SDK1: variants seen among roughly 807,000 people sequenced by gnomAD.
SDK1 encodes protein sidekick-1.
A neutral mutation model predicts 245.5 loss-of-function variants in SDK1; 157 were observed. That is an observed-to-expected ratio of 0.64 (90% CI 0.56 to 0.73). SDK1 has a LOEUF of 0.73. SDK1 is among the 30% of genes least tolerant of loss of function. The probability of loss-of-function intolerance (pLI) is 0.00; values close to 1 mark genes in which losing one functional copy is unlikely to be tolerated. For missense variants in SDK1, 3,583 were observed against 3,002.3 expected, an observed-to-expected ratio of 1.19 and a Z score of -4.52; for synonymous variants, 1,647 against 1,278.5, an observed-to-expected ratio of 1.29 and a Z score of -6.15.
intron 14 of SDK1, among the ~76,000 whole-genome samples, chr7:3,999,438 G>C (rs1464421978): frequency 6.6e-6 from 1 of 152,220 alleles, no homozygotes; most frequent in African/African-American, 2.4e-5. Flanking sequence ...TGCCAGGAAA[G>C]TGGATCTGAG....
intron 14 of SDK1, among the ~76,000 whole-genome samples, chr7:4,003,480 C>T (rs746869892): frequency 3.1e-4 from 47 of 152,334 alleles, no homozygotes; most frequent in Middle Eastern, 3.4e-3. Flanking sequence ...TCCCTGATGA[C>T]GTCTTTCCCG....
At chr7:3,978,102 AT>A (rs1783112949) in intron 13 of SDK1, among the ~76,000 whole-genome samples, 1 of 149,314 alleles carries the variant, frequency 6.7e-6, no homozygotes, top group African/African-American at 2.5e-5. Context: ...TTTTTTTTTC[AT>A]TTTGATAATA....
intron 32 of SDK1, among the ~76,000 whole-genome samples, chr7:4,172,972 G>A (rs543912551): frequency 6.6e-6 from 1 of 152,192 alleles, no homozygotes; most frequent in Non-Finnish European, 1.5e-5. Context: ...ATAAGGTCAG[G>A]TTCACAGGCA....
intron 5 of SDK1, among the ~76,000 whole-genome samples, chr7:3,859,286 A>G (rs1019095527): frequency 1.3e-5 from 2 of 152,052 alleles, no homozygotes; most frequent in African/African-American, 2.4e-5. Context: ...GTCTCCTTCC[A>G]AGGTAGCTCC....
chr7:3,482,091 T>G (rs1000649748), intron 1 of SDK1, among the ~76,000 whole-genome samples: 3 of 152,152 alleles, frequency 2.0e-5, no homozygotes, highest in African/African-American at 7.2e-5. Context: ...CAGGGACATA[T>G]CCTACCAGAC....
intron 4 of SDK1, among the ~76,000 whole-genome samples, chr7:3,819,293 A>G (rs1413892883): frequency 6.6e-6 from 1 of 151,962 alleles, no homozygotes; most frequent in Non-Finnish European, 1.5e-5. Flanking sequence ...AAAGAAAAAG[A>G]TAAGCTTAAA....
In SDK1 at chr7:4,266,198, C is replaced by T. The variant is rs1237705772; in HGVS notation, c.*814C>T. Reference sequence around the variant, plus strand: ...CTCCGCGGGACACGAGGACACGGGACGGCGTCTCCAGAATTGCTTGTTACG... The same window carrying T: ...CTCCGCGGGACACGAGGACACGGGATGGCGTCTCCAGAATTGCTTGTTACG... On this transcript the variant is annotated 3_prime_UTR_variant, in exon 45 of 45. Transcript: ENST00000404826. 1.3e-5 allele frequency: 13 copies of T among 985,388 alleles called. No individual in the cohort carries two copies. In the South Asian group the frequency reaches 3.3e-4, roughly 25 times the overall value. The allele number at this position is 985,388 out of a possible 1,614,324, so 61.0% of individuals were successfully genotyped here. A position where few individuals can be genotyped will look rare whatever the true frequency, so the allele number is the denominator to read the frequency against.
At chr7:3,380,781 CGAAA>C (rs1251295940) in intron 1 of SDK1, among the ~76,000 whole-genome samples, 1 of 152,030 alleles carries the variant, frequency 6.6e-6, no homozygotes, top group African/African-American at 2.4e-5. Context: ...GTGATTCAGG[CGAAA>C]GGGAAGGGCC....
intron 1 of SDK1, among the ~76,000 whole-genome samples, chr7:3,350,595 A>G (rs373070570): frequency 7.2e-5 from 11 of 152,276 alleles, no homozygotes; most frequent in East Asian, 5.8e-4. Flanking sequence ...CATTTTTCCT[A>G]ATCAACTCTA....
At chr7:3,598,622 T>C (rs1562591997) in intron 1 of SDK1, among the ~76,000 whole-genome samples, 1 of 152,190 alleles carries the variant, frequency 6.6e-6, no homozygotes, top group African/African-American at 2.4e-5. Context: ...ATTTCCCTTG[T>C]CCCCATCCCT....
At chr7:3,563,046 T>G (rs572165744) in intron 1 of SDK1, among the ~76,000 whole-genome samples, 4 of 152,118 alleles carry the variant, frequency 2.6e-5, no homozygotes, top group Non-Finnish European at 5.9e-5. Context: ...GTTACCGTTA[T>G]TGAGTGGAGG....
intron 1 of SDK1, among the ~76,000 whole-genome samples, chr7:3,325,777 G>T (rs967075942): frequency 2.6e-5 from 4 of 152,094 alleles, no homozygotes; most frequent in African/African-American, 9.7e-5. Flanking sequence ...ATAATCCTCA[G>T]TTCTGTTGAA....
At chr7:4,106,161 T>C (rs1456442386) in intron 22 of SDK1, among the ~76,000 whole-genome samples, 1 of 152,170 alleles carries the variant, frequency 6.6e-6, no homozygotes, top group Non-Finnish European at 1.5e-5. Context: ...AGACACTCGC[T>C]GCTCAGAAGG....
chr7:3,478,259 T>A (rs1781405980), intron 1 of SDK1, among the ~76,000 whole-genome samples: 1 of 152,146 alleles, frequency 6.6e-6, no homozygotes, highest in Non-Finnish European at 1.5e-5. Flanking sequence ...AATAACTTCT[T>A]GGAGTTTTGA....
rs1317488122 is a variant in SDK1 at position 3,356,113 on chromosome 7, G to A, written c.298+54229G>A. Among the ~76,000 whole-genome samples, 3 of 152,186 alleles carry A rather than the reference G, an allele frequency of 2.0e-5. No individual in the cohort carries two copies. The East Asian group carries it at 5.8e-4, about 29-fold the overall frequency. ...ATGAATTCCCATGTCAGCCTCATTA[G>A]CTTTTACAAGCTATTTTCTTAGCTT... On this transcript the variant is annotated intron_variant, in intron 1 of 44. Coordinates refer to ENST00000404826, the MANE Select transcript of SDK1 (RefSeq NM_152744.4).
chr7:3,587,309 G>C (rs981771985), intron 1 of SDK1, among the ~76,000 whole-genome samples: 5 of 151,986 alleles, frequency 3.3e-5, no homozygotes, highest in African/African-American at 1.2e-4. Context: ...ACGTGTGTGT[G>C]TGTGTGTGTG....
intron 1 of SDK1, among the ~76,000 whole-genome samples, chr7:3,359,066 A>G (rs998778062): frequency 6.6e-6 from 1 of 152,116 alleles, no homozygotes; most frequent in Non-Finnish European, 1.5e-5. Flanking sequence ...ATAGAACCTT[A>G]TGGCATCACC....
At chr7:3,924,423 C>G in intron 5 of SDK1, among the ~76,000 whole-genome samples, 1 of 152,162 alleles carries the variant, frequency 6.6e-6, no homozygotes, top group Non-Finnish European at 1.5e-5. Flanking sequence ...TGGCCATTCC[C>G]AACCACAGCT....
At chr7:3,429,588 A>T (rs117569525) in intron 1 of SDK1, among the ~76,000 whole-genome samples, 1,917 of 149,196 alleles carry the variant, frequency 0.013, 21 homozygotes, top group Middle Eastern at 0.035. Context: ...CCCAGTCCAC[A>T]CTGCAAAAGC....
Sources: gnomAD v4.1 joint callset for allele counts (sites outside exome capture counted in the v4.1 genomes callset) on GRCh38, gnomAD v4.1.1 for gene constraint, MANE v1.5 for transcripts, NCBI Gene and HGNC (gene_info 2026-07-23, HGNC 2026-07-21) for gene names.